The following ZNF91 variants were observed in gnomAD, a reference collection of about 807,000 sequenced individuals.
ZNF91 encodes zinc finger protein 91 (HPF7, HTF10).
In ZNF91, 7 loss-of-function variants were observed where a neutral mutation model predicts 12.6. The ratio of observed to expected loss-of-function variants is 0.55; its 90% CI spans 0.31 to 1.04. The LOEUF is 1.04. Among genes scored for constraint, ZNF91 ranks in the 50% least tolerant of loss-of-function variants. The probability of loss-of-function intolerance (pLI) is 0.05; values close to 1 mark genes in which losing one functional copy is unlikely to be tolerated. For synonymous variants in ZNF91, 453 were observed against 462.6 expected (o/e 0.98, Z 0.27); for missense variants, 1,217 against 1,385.4 (o/e 0.88, Z 1.93).
At chr19:23,351,047 C>T (rs536683594) in intron 3 of ZNF91, among the ~76,000 whole-genome samples, 30 of 152,274 alleles carry the variant, frequency 2.0e-4, no homozygotes, top group South Asian at 4.1e-4. Flanking sequence ...ACTTTCATGC[C>T]GGGCACGGTG....
intron 3 of ZNF91, among the ~76,000 whole-genome samples, chr19:23,373,389 T>G (rs1242435290): frequency 7.7e-6 from 1 of 130,684 alleles, no homozygotes; most frequent in Admixed American, 7.8e-5. Flanking sequence ...TATATATAAA[T>G]AAACAGTACT....
chr19:23,345,419 A>G (rs921999989), intron 3 of ZNF91, among the ~76,000 whole-genome samples: 2 of 152,210 alleles, frequency 1.3e-5, no homozygotes, highest in African/African-American at 4.8e-5. Flanking sequence ...CACAAACGGA[A>G]CATTGGACTT....
At chr19:23,374,427 G>GT (rs565119714) in intron 2 of ZNF91, among the ~76,000 whole-genome samples, 10 of 150,024 alleles carry the variant, frequency 6.7e-5, no homozygotes, top group Admixed American at 3.3e-4. Context: ...GGGCATGGTG[G>GT]TGGGCGCCTG....
At chr19:23,370,280 G>GA in intron 3 of ZNF91, among the ~76,000 whole-genome samples, 1 of 151,636 alleles carries the variant, frequency 6.6e-6, no homozygotes, top group Non-Finnish European at 1.5e-5. Context: ...TATGTCAACT[G>GA]AAATAAACTA....
intron 3 of ZNF91, among the ~76,000 whole-genome samples, chr19:23,363,689 A>C (rs1968896641): frequency 6.6e-6 from 1 of 152,182 alleles, no homozygotes; most frequent in Admixed American, 6.5e-5. Flanking sequence ...AAATATTATA[A>C]AATTTTCTGA....
downstream of ZNF91, among the ~76,000 whole-genome samples, chr19:23,336,309 T>G (rs1968006412): frequency 6.6e-6 from 1 of 152,192 alleles, no homozygotes; most frequent in Non-Finnish European, 1.5e-5. Flanking sequence ...CTCTCTCTCC[T>G]GAGAAAGAGT....
At chr19:23,336,231 C>T (rs1968005373), downstream of ZNF91, among the ~76,000 whole-genome samples, 1 of 152,128 alleles carries the variant, frequency 6.6e-6, no homozygotes, top group South Asian at 2.1e-4. Flanking sequence ...AAATCGAGTA[C>T]ATGGACACAG....
rs1424083982 is a variant in ZNF91 at position 23,362,296 on chromosome 19, T to C, written c.683A>G (p.His228Arg). Residue 228 changes from histidine to arginine, a missense_variant, in exon 4 of 4, where the codon CAT becomes CGT. Physicochemically the swap from His to Arg is conservative, Grantham distance 29. Around this residue, in one of 2 missense-constraint regions of ZNF91, gnomAD observed 726 missense variants for 895.5 expected, o/e 0.81. Coordinates refer to ENST00000300619, the MANE Select transcript of ZNF91 (RefSeq NM_003430.4). ...TTTATCTTCAGTATGAATTTCCTTATGATTAGTAAGGGTTGAGGACCAATG... is the reference window on the plus strand; with the variant it reads ...TTTATCTTCAGTATGAATTTCCTTACGATTAGTAAGGGTTGAGGACCAATG... Reference protein sequence around the residue: ...TFHWSSTLTNHKEIHTEDKPY... With the variant: ...TFHWSSTLTNRKEIHTEDKPY... 2 of 1,613,922 alleles carry C rather than the reference T, an allele frequency of 1.2e-6. No individual in the cohort carries two copies. The highest frequency in any genetic ancestry group is 1.7e-6 in the Non-Finnish European group (2 of 1,179,972).
At chr19:23,337,677 T>A (rs1343652748), downstream of ZNF91, among the ~76,000 whole-genome samples, 1 of 151,806 alleles carries the variant, frequency 6.6e-6, no homozygotes, top group East Asian at 1.9e-4. Flanking sequence ...TTAAAATACT[T>A]TAAAAAGACT....
chr19:23,333,274 A>T (rs186918336), intron 1 of ZNF91, among the ~76,000 whole-genome samples: 1 of 152,304 alleles, frequency 6.6e-6, no homozygotes, highest in Non-Finnish European at 1.5e-5. Context: ...TTGGTTTGTT[A>T]TAATAGGTTA....
chr19:23,375,222 G>A (rs564395936), intron 1 of ZNF91, among the ~76,000 whole-genome samples: 3 of 151,658 alleles, frequency 2.0e-5, no homozygotes, highest in South Asian at 2.1e-4. Flanking sequence ...GCACAGTGGC[G>A]CAATCTCAGC....
chr19:23,309,655 G>A (rs1967442343), intron 1 of ZNF91, among the ~76,000 whole-genome samples: 1 of 152,158 alleles, frequency 6.6e-6, no homozygotes. Context: ...TTGGCTCAGT[G>A]CACAGGTGCA....
At chr19:23,347,400 C>T (rs1018221122) in intron 3 of ZNF91, among the ~76,000 whole-genome samples, 3 of 152,096 alleles carry the variant, frequency 2.0e-5, no homozygotes, top group Admixed American at 6.5e-5. Flanking sequence ...TTGCAGGGAC[C>T]ATCAAACCCC....
chr19:23,373,943 T>C, intron 2 of ZNF91, 106 bp from the exon 3 acceptor site: 1 of 593,480 alleles, frequency 1.7e-6, no homozygotes, highest in Non-Finnish European at 2.7e-6. Flanking sequence ...TAATAAATTG[T>C]CCCAATATAC....
intron 1 of ZNF91, among the ~76,000 whole-genome samples, chr19:23,330,990 A>AGT (rs1967920029): frequency 6.6e-6 from 1 of 152,246 alleles, no homozygotes; most frequent in Non-Finnish European, 1.5e-5. Context: ...TGTGGTGACA[A>AGT]GTATATATAA....
Position 23,361,489 on chromosome 19 carries a change from TTG to T in ZNF91, c.1488_1489del (p.Lys497SerfsTer3), listed in dbSNP as rs1968768349. On this transcript the variant is annotated frameshift_variant, in exon 4 of 4. Transcript: ENST00000300619. LOFTEE classifies it low-confidence loss of function (END_TRUNC). Reference sequence around the variant, plus strand: ...AAGGGTTGAGGATTGCCTAAAAGCTTTGCCACATTCTTCACATTTGTAGGGCT... The same window carrying T: ...AAGGGTTGAGGATTGCCTAAAAGCTTCCACATTCTTCACATTTGTAGGGCT... The T allele has an allele frequency of 6.2e-7, 1 of 1,613,796 alleles. No homozygotes were observed. The highest frequency in any genetic ancestry group is 1.3e-5 in the African/African-American group (1 of 74,922).
chr19:23,391,605 T>A (rs1449741141), intron 1 of ZNF91, among the ~76,000 whole-genome samples: 1 of 152,208 alleles, frequency 6.6e-6, no homozygotes, highest in East Asian at 1.9e-4. Context: ...ACATCTAACT[T>A]TTATTTTAAA....
At chr19:23,372,139 C>T (rs1403491754) in intron 3 of ZNF91, among the ~76,000 whole-genome samples, 2 of 151,730 alleles carry the variant, frequency 1.3e-5, no homozygotes, top group Non-Finnish European at 2.9e-5. Context: ...GTATATTGTC[C>T]TAAATGTCTG....
At chr19:23,340,314 T>A (rs1438743448) in intron 3 of ZNF91, among the ~76,000 whole-genome samples, 1 of 151,784 alleles carries the variant, frequency 6.6e-6, no homozygotes, top group Non-Finnish European at 1.5e-5. Flanking sequence ...AGAATAGAAA[T>A]CTAAATAAAC....
Sources: allele counts gnomAD v4.1 joint callset (sites outside exome capture counted in the v4.1 genomes callset), GRCh38; gene constraint gnomAD v4.1.1; regional missense constraint gnomAD v4.1.1; transcripts MANE v1.5; gene names NCBI Gene and HGNC (gene_info 2026-07-23, HGNC 2026-07-21).